Variants in GALNTL6 observed in about 807,000 individuals in gnomAD.
GALNTL6 encodes the protein polypeptide N-acetylgalactosaminyltransferase like 6, also known as polypeptide N-acetylgalactosaminyltransferase-like 6.
GALNTL6 carries 46 observed loss-of-function variants against 73.7 expected under a neutral mutation model. The observed-to-expected ratio is 0.62, with a 90% CI of 0.49 to 0.80. GALNTL6 has a LOEUF of 0.80. GALNTL6 is among the 30% of genes least tolerant of loss of function. GALNTL6 has a pLI of 0.00. For missense variants in GALNTL6, 604 were observed against 755.0 expected (o/e 0.80, Z 2.34); for synonymous variants, 259 against 263.7 (o/e 0.98, Z 0.17).
chr4:172,656,598 T>G (rs1291056919), intron 5 of GALNTL6, among the ~76,000 whole-genome samples: 1 of 152,232 alleles, frequency 6.6e-6, no homozygotes, highest in Non-Finnish European at 1.5e-5. Context: ...CACGGTGTTC[T>G]GTTTCTCAAA....
intron 4 of GALNTL6, among the ~76,000 whole-genome samples, chr4:172,314,178 A>G (rs997985342): frequency 6.6e-6 from 1 of 152,218 alleles, no homozygotes; most frequent in African/African-American, 2.4e-5. Context: ...AAAGTGATGG[A>G]CCATAGCTTT....
chr4:172,237,766 A>G lies in GALNTL6; in HGVS notation c.247+8002A>G, dbSNP rs146423897. ...ATCCATCTTGAGCTGATTTTTTTAT[A>G]TTATGTAAGGAAGTGGTCTAGTTTC... On this transcript the variant is annotated intron_variant, in intron 3 of 12. Coordinates refer to ENST00000506823, the MANE Select transcript of GALNTL6 (RefSeq NM_001034845.3). Among the ~76,000 whole-genome samples the G allele has an allele frequency of 4.3e-3, 656 of 152,110 alleles. 6 individuals are homozygous for G. Among genetic ancestry groups the G allele is most frequent in the African/African-American group, 0.015 (627 of 41,492 alleles).
intron 2 of GALNTL6, among the ~76,000 whole-genome samples, chr4:172,086,632 A>G (rs1385751580): frequency 6.6e-6 from 1 of 152,190 alleles, no homozygotes; most frequent in Non-Finnish European, 1.5e-5. Flanking sequence ...CCACAGAAGT[A>G]ACTGTGATTG....
chr4:171,881,795 A>G (rs1194221159), intron 2 of GALNTL6, among the ~76,000 whole-genome samples: 2 of 152,212 alleles, frequency 1.3e-5, no homozygotes, highest in African/African-American at 2.4e-5. Context: ...TTCTGAGGCA[A>G]AAAACCTTCA....
intron 6 of GALNTL6, among the ~76,000 whole-genome samples, chr4:172,811,869 G>T (rs1196098787): frequency 6.6e-6 from 1 of 152,032 alleles, no homozygotes; most frequent in Non-Finnish European, 1.5e-5. Context: ...CTTATTAATT[G>T]TCTTTGCTTC....
At chr4:172,725,636 G>A (rs1279399406) in intron 5 of GALNTL6, among the ~76,000 whole-genome samples, 2 of 152,218 alleles carry the variant, frequency 1.3e-5, no homozygotes, top group African/African-American at 2.4e-5. Flanking sequence ...AGAATTAGGT[G>A]TAGAAGGGTT....
chr4:172,187,927 C>G lies in GALNTL6; in HGVS notation c.139-41729C>G, dbSNP rs113999039. Reference sequence around the variant, plus strand: ...TACCACCAAGACACAATGTCAAGTACTTTTCCTTCACTGCTATTTGTTAGA... The same window carrying G: ...TACCACCAAGACACAATGTCAAGTAGTTTTCCTTCACTGCTATTTGTTAGA... On this transcript the variant is annotated intron_variant, in intron 2 of 12. Coordinates refer to ENST00000506823, the MANE Select transcript of GALNTL6 (RefSeq NM_001034845.3). Among the ~76,000 whole-genome samples the G allele has an allele frequency of 8.9e-3, 1,360 of 152,194 alleles. 23 individuals carry two copies. The highest frequency in any genetic ancestry group is 0.031 in the African/African-American group (1,299 of 41,538).
chr4:172,001,625 A>G (rs1213858690), intron 2 of GALNTL6, among the ~76,000 whole-genome samples: 1 of 152,130 alleles, frequency 6.6e-6, no homozygotes, highest in Admixed American at 6.6e-5. Context: ...TCAAAAGCAG[A>G]GGCATGGTAT....
At chr4:171,984,580 C>G (rs770142929) in intron 2 of GALNTL6, among the ~76,000 whole-genome samples, 1 of 152,088 alleles carries the variant, frequency 6.6e-6, no homozygotes, top group Non-Finnish European at 1.5e-5. Flanking sequence ...TGTGACAGCC[C>G]GCTCTGGAGT....
At chr4:172,413,085 C>A (rs1357002108) in intron 5 of GALNTL6, among the ~76,000 whole-genome samples, 2 of 152,144 alleles carry the variant, frequency 1.3e-5, no homozygotes, top group Admixed American at 1.3e-4. Context: ...TTCTCATTAG[C>A]CAGAAGTGAA....
intron 2 of GALNTL6, among the ~76,000 whole-genome samples, chr4:172,108,106 G>T (rs1274272449): frequency 6.6e-6 from 1 of 152,170 alleles, no homozygotes; most frequent in Non-Finnish European, 1.5e-5. Flanking sequence ...GTCAGGGTAT[G>T]TGTTTGAAAT....
intron 10 of GALNTL6, among the ~76,000 whole-genome samples, chr4:172,952,975 C>T (rs527775172): frequency 2.0e-5 from 3 of 152,352 alleles, no homozygotes; most frequent in South Asian, 2.1e-4. Context: ...AGCCTTGCTG[C>T]TATTGGTATA....
chr4:172,187,757 A>G (rs1181444891), intron 2 of GALNTL6, among the ~76,000 whole-genome samples: 1 of 152,140 alleles, frequency 6.6e-6, no homozygotes, highest in Admixed American at 6.5e-5. Context: ...GGGATAATGA[A>G]TTATTTAAAA....
intron 2 of GALNTL6, among the ~76,000 whole-genome samples, chr4:172,211,648 G>A (rs762220509): frequency 2.0e-5 from 3 of 152,098 alleles, no homozygotes; most frequent in Admixed American, 2.0e-4. Context: ...TTATCCATGT[G>A]GGCTGTTACA....
At chr4:172,480,986 G>A (rs1733440151) in intron 5 of GALNTL6, among the ~76,000 whole-genome samples, 1 of 152,210 alleles carries the variant, frequency 6.6e-6, no homozygotes, top group Non-Finnish European at 1.5e-5. Flanking sequence ...GTCAAAGCAA[G>A]TCACAACGTG....
chr4:172,560,401 G>A (rs1444472618), intron 5 of GALNTL6, among the ~76,000 whole-genome samples: 1 of 152,134 alleles, frequency 6.6e-6, no homozygotes, highest in Non-Finnish European at 1.5e-5. Context: ...GGGAAGGTAA[G>A]GCAGGAGGAT....
intron 5 of GALNTL6, among the ~76,000 whole-genome samples, chr4:172,435,199 T>A (rs1044345085): frequency 3.3e-5 from 5 of 152,150 alleles, no homozygotes; most frequent in African/African-American, 1.2e-4. Flanking sequence ...TACTGTTATA[T>A]CTGTGCACTA....
rs201304140 is a variant in GALNTL6, at chr4:172,910,069, GT to G, written c.1042-21087del. On this transcript the variant is annotated intron_variant, in intron 8 of 12. Transcript: ENST00000506823. ...AAATTAAAATGAAGGGAATACAAATGTTTTTATTTATATTGAATAATTTATA... is the reference window on the plus strand; with the variant it reads ...AAATTAAAATGAAGGGAATACAAATGTTTTATTTATATTGAATAATTTATA... 8.5e-3 allele frequency among the ~76,000 whole-genome samples: 1,293 copies of G among 151,732 alleles called. 14 individuals carry two copies. Among genetic ancestry groups the G allele is most frequent in the African/African-American group, 0.027 (1,126 of 41,426 alleles).
At chr4:172,171,730 T>G (rs1220359960) in intron 2 of GALNTL6, among the ~76,000 whole-genome samples, 3 of 150,376 alleles carry the variant, frequency 2.0e-5, no homozygotes, top group African/African-American at 4.9e-5. Flanking sequence ...CCCAGCTATG[T>G]GGGAGGATTG....
Sources: allele counts gnomAD v4.1 joint callset (sites outside exome capture counted in the v4.1 genomes callset), GRCh38; gene constraint gnomAD v4.1.1; transcripts MANE v1.5; gene names NCBI Gene and HGNC (gene_info 2026-07-23, HGNC 2026-07-21).